RTN3: variants seen among roughly 807,000 people sequenced by gnomAD.
RTN3 encodes the protein reticulon-3.
RTN3 carries 49 observed loss-of-function variants against 77.8 expected under a neutral mutation model. That is an observed-to-expected ratio of 0.63 (90% CI 0.50 to 0.80). RTN3 has a LOEUF of 0.80. Among genes scored for constraint, RTN3 ranks in the 30% least tolerant of loss-of-function variants. RTN3 has a pLI of 0.00. For synonymous variants in RTN3, 464 were observed against 446.9 expected (o/e 1.04, Z -0.48); for missense variants, 1,236 against 1,211.9 (o/e 1.02, Z -0.29).
intron 1 of RTN3, among the ~76,000 whole-genome samples, chr11:63,693,457 C>G (rs1941772693): frequency 6.6e-6 from 1 of 151,966 alleles, no homozygotes; most frequent in Non-Finnish European, 1.5e-5. Flanking sequence ...GTACTCCAGC[C>G]TGGGCAACAA....
At chr11:63,688,323 A>G (rs767092872) in intron 1 of RTN3, among the ~76,000 whole-genome samples, 5 of 148,580 alleles carry the variant, frequency 3.4e-5, no homozygotes, top group Non-Finnish European at 4.4e-5. Context: ...TCCCAGGTTC[A>G]TGCCATTCTC....
intron 3 of RTN3, among the ~76,000 whole-genome samples, chr11:63,734,517 A>G (rs1026729622): frequency 1.3e-5 from 2 of 152,000 alleles, no homozygotes; most frequent in Non-Finnish European, 2.9e-5. Context: ...TGAGCGGATC[A>G]CTTGAGGTCA....
At position 63,681,711 on chromosome 11, in the gene RTN3, C is replaced by G. The variant is rs1454020137; in HGVS notation, c.75C>G (p.Pro25=). The G allele has an allele frequency of 1.1e-5, 18 of 1,606,474 alleles. No individual in the cohort carries two copies. Among genetic ancestry groups the G allele is most frequent in the Non-Finnish European group, 1.4e-5 (17 of 1,176,660 alleles). ...CCTTCGGAGCCGAGCCGTCCGCGCC[C>G]GGCGGCGGCGGGAGCCCAGGAGCCT... ...SSSFGAEPSA[P]GGGGSPGACP... The change falls in exon 1 of 9, where the codon CCC becomes CCG. Residue 25 remains proline, a synonymous_variant. Coordinates refer to ENST00000377819, the MANE Select transcript of RTN3 (RefSeq NM_001265589.2).
chr11:63,686,124 A>G (rs1394957616), intron 1 of RTN3, among the ~76,000 whole-genome samples: 1 of 152,236 alleles, frequency 6.6e-6, no homozygotes, highest in Non-Finnish European at 1.5e-5. Context: ...AGACACGTCT[A>G]TCATCTGAAC....
chr11:63,719,355 G>A lies in RTN3; in HGVS notation c.853G>A (p.Glu285Lys), dbSNP rs371789344. 2.4e-5 allele frequency: 38 copies of A among 1,614,118 alleles called. No individual in the cohort carries two copies. In the East Asian group the frequency reaches 4.0e-4, roughly 17 times the overall value. The change falls in exon 3 of 9, where the codon GAA becomes AAA. Residue 285 changes from glutamate to lysine, a missense_variant. By Grantham distance (56) the Glu-to-Lys change is moderately conservative (BLOSUM62 1). Transcript: ENST00000377819. ...WSVHTDKESS[E>K]DISETNDKLF... is the part of the protein sequence containing the mutation. ...TGTGCACACTGATAAAGAATCATCC[G>A]AAGACATTTCAGAGACTAATGACAA...
In RTN3 at chr11:63,742,869, T is replaced by A. The variant is rs913139366; in HGVS notation, c.2531-7122T>A. Reference sequence around the variant, plus strand: ...TATACCTAAGTTTATATATATATATTTTTGTTTGTTTGTTTGTTTGTTTGT... The same window carrying A: ...TATACCTAAGTTTATATATATATATATTTGTTTGTTTGTTTGTTTGTTTGT... On this transcript the variant is annotated intron_variant, in intron 3 of 8. Transcript: ENST00000377819. 2.6e-5 allele frequency among the ~76,000 whole-genome samples: 4 copies of A among 151,736 alleles called. No homozygotes were observed. In the East Asian group the frequency reaches 5.8e-4, roughly 22 times the overall value.
At chr11:63,690,194 T>C (rs1019342760) in intron 1 of RTN3, among the ~76,000 whole-genome samples, 3 of 152,192 alleles carry the variant, frequency 2.0e-5, no homozygotes, top group East Asian at 1.9e-4. Context: ...CTTCAAGATA[T>C]ATGGAAGGAC....
chr11:63,697,469 C>CATTATTATTATTATT (rs71039664), intron 1 of RTN3, among the ~76,000 whole-genome samples: 19 of 146,998 alleles, frequency 1.3e-4, no homozygotes, highest in Middle Eastern at 3.4e-3. Context: ...ACACCCAGCT[C>CATTATTATTATTATT]ATTATTATTA....
intron 3 of RTN3, among the ~76,000 whole-genome samples, chr11:63,749,259 ACAGAGTGAGACGCTGTCT>A (rs565073200): frequency 6.6e-5 from 10 of 152,310 alleles, no homozygotes; most frequent in Non-Finnish European, 1.5e-4. Context: ...AGCCCAGGTG[ACAGAGTGAGACGCTGTCT>A]CAAAAAAGGG....
chr11:63,716,641 G>A (rs1362634159), intron 2 of RTN3, among the ~76,000 whole-genome samples: 1 of 152,116 alleles, frequency 6.6e-6, no homozygotes, highest in Non-Finnish European at 1.5e-5. Flanking sequence ...GACCAACCTG[G>A]CAATGTAGTG....
intron 7 of RTN3, among the ~76,000 whole-genome samples, chr11:63,755,626 G>A (rs937272267): frequency 7.7e-6 from 1 of 129,954 alleles, no homozygotes; most frequent in African/African-American, 3.0e-5. Context: ...ACTCCAGCCT[G>A]GACAACAAGA....
At chr11:63,752,762 C>A in intron 5 of RTN3, 117 bp downstream of exon 5, 1 of 1,099,622 alleles carries the variant, frequency 9.1e-7, no homozygotes, top group Non-Finnish European at 1.3e-6. Context: ...ATGCTTAGCT[C>A]AGTCATTCTA....
chr11:63,716,984 A>AAAC (rs2011447880), intron 2 of RTN3, among the ~76,000 whole-genome samples: 2 of 148,944 alleles, frequency 1.3e-5, no homozygotes, highest in South Asian at 4.4e-4. Context: ...AAAAACAAAA[A>AAAC]AAAAAAAAAA....
In RTN3 at chr11:63,759,317, G is replaced by C. The variant is rs984259681; in HGVS notation, c.*1116G>C. The C allele has an allele frequency of 6.6e-6, 1 of 152,356 alleles. No individual in the cohort carries two copies. Among genetic ancestry groups the C allele is most frequent in the African/African-American group, 2.4e-5 (1 of 41,416 alleles). 9.4% of individuals were successfully genotyped at this position (152,356 alleles called of 1,614,324 possible). On this transcript the variant is annotated 3_prime_UTR_variant, in exon 9 of 9. Transcript: ENST00000377819. ...GAAAAATCATCTGTGAGTTCCTTCA[G>C]GTTCTCACTCATAGTCATGATCCTT...
chr11:63,704,945 A>G (rs1188445976), intron 2 of RTN3, 38 bp downstream of exon 2: 1 of 1,489,558 alleles, frequency 6.7e-7, no homozygotes, highest in Admixed American at 1.7e-5. Context: ...TGGTAAAAGA[A>G]AAATGTTGAG....
At chr11:63,696,639 G>A (rs1289438745) in intron 1 of RTN3, among the ~76,000 whole-genome samples, 6 of 141,490 alleles carry the variant, frequency 4.2e-5, no homozygotes, top group Non-Finnish European at 4.5e-5. Flanking sequence ...TCCACCTCCC[G>A]GGTTCAAGCA....
At chr11:63,693,733 T>C (rs1941787523) in intron 1 of RTN3, among the ~76,000 whole-genome samples, 3 of 152,234 alleles carry the variant, frequency 2.0e-5, no homozygotes, top group African/African-American at 7.2e-5. Flanking sequence ...TTAGCCTCTT[T>C]TATTTCTTCT....
intron 2 of RTN3, among the ~76,000 whole-genome samples, chr11:63,711,051 G>A (rs1050398955): frequency 6.6e-6 from 1 of 152,106 alleles, no homozygotes; most frequent in Non-Finnish European, 1.5e-5. Context: ...AGGCCGAGGC[G>A]GGTGGATCAC....
chr11:63,708,885 C>A (rs1014338972), intron 2 of RTN3, among the ~76,000 whole-genome samples: 2 of 152,098 alleles, frequency 1.3e-5, no homozygotes, highest in African/African-American at 4.8e-5. Context: ...ATAAAACATA[C>A]AAAGATATTG....
Sources: allele counts gnomAD v4.1 joint callset (sites outside exome capture counted in the v4.1 genomes callset), GRCh38; gene constraint gnomAD v4.1.1; transcripts MANE v1.5; gene names NCBI Gene and HGNC (gene_info 2026-07-23, HGNC 2026-07-21).